The following NAV3 variants were observed in gnomAD, a reference collection of about 807,000 sequenced individuals.
The protein encoded by NAV3 is pore membrane and/or filament interacting like protein 1.
Under a neutral mutation model 244.7 loss-of-function variants are expected in NAV3, and 87 were observed. The observed-to-expected ratio is 0.36, with a 90% confidence interval of 0.30 to 0.42. The LOEUF is 0.42. Among genes scored for constraint, NAV3 ranks in the 20% least tolerant of loss-of-function variants. The probability of loss-of-function intolerance (pLI) is 1.00; values close to 1 mark genes in which losing one functional copy is unlikely to be tolerated. For missense variants in NAV3, 2,663 were observed against 2,893.3 expected, an observed-to-expected ratio of 0.92 and a Z score of 1.83; for synonymous variants, 1,126 against 1,042.2, an observed-to-expected ratio of 1.08 and a Z score of -1.55.
chr12:78,206,176 A>ATG (rs1960284869), intron 39 of NAV3, among the ~76,000 whole-genome samples: 1 of 152,128 alleles, frequency 6.6e-6, no homozygotes, highest in Non-Finnish European at 1.5e-5. Context: ...GTATATATAT[A>ATG]GACCTACTTA....
intron 2 of NAV3, among the ~76,000 whole-genome samples, chr12:77,741,587 A>G (rs1467914548): frequency 6.6e-6 from 1 of 152,098 alleles, no homozygotes; most frequent in African/African-American, 2.4e-5. Context: ...TCATTACTCA[A>G]CCACATGGAG....
At chr12:77,949,785 T>C (rs1404724190) in intron 3 of NAV3, among the ~76,000 whole-genome samples, 2 of 152,044 alleles carry the variant, frequency 1.3e-5, no homozygotes, top group African/African-American at 4.8e-5. Context: ...TGTGTTACCA[T>C]TATAGTATTA....
intron 28 of NAV3, among the ~76,000 whole-genome samples, chr12:78,178,167 T>C (rs1006071451): frequency 7.3e-5 from 11 of 151,564 alleles, no homozygotes; most frequent in Non-Finnish European, 1.3e-4. Context: ...AGTGTTTTTT[T>C]TTTTTTTTTT....
intron 2 of NAV3, among the ~76,000 whole-genome samples, chr12:77,752,976 A>G (rs1868939309): frequency 6.6e-6 from 1 of 152,296 alleles, no homozygotes; most frequent in Non-Finnish European, 1.5e-5. Flanking sequence ...ATACAGTCTT[A>G]GACTTTTTAT....
intron 2 of NAV3, among the ~76,000 whole-genome samples, chr12:77,636,442 G>A (rs1378374154): frequency 3.3e-5 from 5 of 149,350 alleles, no homozygotes; most frequent in Admixed American, 2.7e-4. Context: ...TCTGGCCTGG[G>A]CAGCAGTGCC....
intron 9 of NAV3, among the ~76,000 whole-genome samples, chr12:78,034,040 T>C (rs759072778): frequency 2.0e-5 from 3 of 152,190 alleles, no homozygotes; most frequent in Non-Finnish European, 2.9e-5. Context: ...GTCAGCAAAA[T>C]ACATCTTTGT....
chr12:77,880,677 T>G (rs1882519268), intron 1 of NAV3, among the ~76,000 whole-genome samples: 1 of 152,180 alleles, frequency 6.6e-6, no homozygotes, highest in African/African-American at 2.4e-5. Flanking sequence ...TACTGTACTT[T>G]ATTTTTATTG....
chr12:77,821,407 C>T (rs543915953), intron 2 of NAV3, among the ~76,000 whole-genome samples: 58 of 152,244 alleles, frequency 3.8e-4, no homozygotes, highest in African/African-American at 1.3e-3. Flanking sequence ...CTCTCAATCC[C>T]TGAACGAAAC....
intron 2 of NAV3, among the ~76,000 whole-genome samples, chr12:77,753,940 T>A (rs1195289674): frequency 6.6e-6 from 1 of 152,210 alleles, no homozygotes; most frequent in Non-Finnish European, 1.5e-5. Flanking sequence ...TTAATCAGAC[T>A]GCTACCTTTA....
chr12:77,928,283 T>C (rs1233976670), intron 1 of NAV3, among the ~76,000 whole-genome samples: 2 of 144,666 alleles, frequency 1.4e-5, no homozygotes, highest in African/African-American at 5.1e-5. Flanking sequence ...GTTTCCAAAG[T>C]ATTCAGTACA....
intron 2 of NAV3, among the ~76,000 whole-genome samples, chr12:77,691,220 G>A (rs1311113143): frequency 2.7e-5 from 4 of 149,256 alleles, no homozygotes; most frequent in Non-Finnish European, 4.5e-5. Flanking sequence ...CTATGGTTTG[G>A]AATTTTTTAC....
At chr12:77,728,601 A>C (rs1876985994) in intron 2 of NAV3, among the ~76,000 whole-genome samples, 1 of 151,984 alleles carries the variant, frequency 6.6e-6, no homozygotes, top group Admixed American at 6.6e-5. Context: ...GGAAAGGGTA[A>C]GAGTGAGGGA....
intron 12 of NAV3, among the ~76,000 whole-genome samples, chr12:78,116,241 T>C (rs1224817505): frequency 6.6e-6 from 1 of 152,172 alleles, no homozygotes; most frequent in Non-Finnish European, 1.5e-5. Context: ...AGAGATGCTA[T>C]GATTGAATGA....
chr12:77,585,743 C>G (rs115399401), intron 2 of NAV3, among the ~76,000 whole-genome samples: 3,947 of 152,248 alleles, frequency 0.026, 68 homozygotes, highest in African/African-American at 0.048. Context: ...GCTGTGTGGC[C>G]CAGTTCCTAA....
intron 2 of NAV3, among the ~76,000 whole-genome samples, chr12:77,597,672 C>T (rs1163797600): frequency 6.6e-6 from 1 of 151,970 alleles, no homozygotes; most frequent in Non-Finnish European, 1.5e-5. Flanking sequence ...TGCATGCTTT[C>T]TGATATTAAA....
intron 2 of NAV3, among the ~76,000 whole-genome samples, chr12:77,756,198 T>A (rs10777397): frequency 0.46 from 70,343 of 151,948 alleles, 16,405 homozygotes; most frequent in Middle Eastern, 0.51. Context: ...TGCCTTTTTT[T>A]AGTATCATTA....
chr12:77,669,854 A>G (rs1873884827), intron 2 of NAV3, among the ~76,000 whole-genome samples: 1 of 152,116 alleles, frequency 6.6e-6, no homozygotes, highest in African/African-American at 2.4e-5. Context: ...GACTTAACAA[A>G]TATTTAATGA....
intron 2 of NAV3, among the ~76,000 whole-genome samples, chr12:77,799,619 A>G (rs1291495064): frequency 3.3e-5 from 5 of 152,152 alleles, no homozygotes; most frequent in African/African-American, 9.7e-5. Flanking sequence ...TTTACATACT[A>G]CCTTATTTCG....
At chr12:77,909,974 C>T (rs1244437613) in intron 1 of NAV3, among the ~76,000 whole-genome samples, 1 of 152,030 alleles carries the variant, frequency 6.6e-6, no homozygotes, top group Non-Finnish European at 1.5e-5. Flanking sequence ...ATGTTTGAGA[C>T]ATCTTTACAA....
Sources: gnomAD v4.1 joint callset for allele counts (sites outside exome capture counted in the v4.1 genomes callset) on GRCh38, gnomAD v4.1.1 for gene constraint, MANE v1.5 for transcripts, NCBI Gene and HGNC (gene_info 2026-07-23, HGNC 2026-07-21) for gene names.